The following ZNF804B variants were observed in gnomAD, a reference collection of about 807,000 sequenced individuals.
The protein encoded by ZNF804B is zinc finger 804B.
ZNF804B carries 80 observed loss-of-function variants against 101.4 expected under a neutral mutation model. That is an observed-to-expected ratio of 0.79 (90% CI 0.66 to 0.95). The LOEUF is 0.95. Among genes scored for constraint, ZNF804B ranks in the 40% least tolerant of loss-of-function variants. ZNF804B has a pLI of 0.00. For missense variants in ZNF804B, 1,673 were observed against 1,561.9 expected, an observed-to-expected ratio of 1.07 and a Z score of -1.20; for synonymous variants, 622 against 558.8, an observed-to-expected ratio of 1.11 and a Z score of -1.59.
intron 1 of ZNF804B, among the ~76,000 whole-genome samples, chr7:89,007,474 A>ATATG (rs1554354007): frequency 9.3e-6 from 1 of 108,068 alleles, no homozygotes; most frequent in South Asian, 2.9e-4. Flanking sequence ...ATATATATAT[A>ATATG]TATATATATA....
intron 1 of ZNF804B, among the ~76,000 whole-genome samples, chr7:89,097,215 A>G (rs1443606346): frequency 6.6e-6 from 1 of 152,180 alleles, no homozygotes; most frequent in Non-Finnish European, 1.5e-5. Context: ...TGTTGTGACT[A>G]CTTCAGAATG....
At chr7:89,060,136 G>T (rs1054290642) in intron 1 of ZNF804B, among the ~76,000 whole-genome samples, 1 of 152,062 alleles carries the variant, frequency 6.6e-6, no homozygotes, top group Non-Finnish European at 1.5e-5. Context: ...CGGCATCCCA[G>T]GGTCTCCAGC....
At chr7:89,152,068 AACT>A (rs1790885807) in intron 1 of ZNF804B, among the ~76,000 whole-genome samples, 1 of 152,096 alleles carries the variant, frequency 6.6e-6, no homozygotes, top group Non-Finnish European at 1.5e-5. Context: ...ATCAGTGTTA[AACT>A]ACCCTGGTGT....
intron 1 of ZNF804B, among the ~76,000 whole-genome samples, chr7:89,020,559 T>A (rs1788651010): frequency 6.6e-6 from 1 of 152,168 alleles, no homozygotes; most frequent in Admixed American, 6.5e-5. Context: ...TTGGCTTAAA[T>A]CTATTTTGTA....
intron 1 of ZNF804B, among the ~76,000 whole-genome samples, chr7:89,011,324 C>A (rs1420522105): frequency 6.6e-6 from 1 of 152,142 alleles, no homozygotes; most frequent in Non-Finnish European, 1.5e-5. Flanking sequence ...GGACACAGAG[C>A]CAAACCATAT....
chr7:88,845,757 C>T (rs1455041573), intron 1 of ZNF804B, among the ~76,000 whole-genome samples: 1 of 152,168 alleles, frequency 6.6e-6, no homozygotes, highest in African/African-American at 2.4e-5. Flanking sequence ...TGTCTTATCA[C>T]AAGAACTTTC....
intron 1 of ZNF804B, among the ~76,000 whole-genome samples, chr7:89,195,890 C>G (rs1420966967): frequency 1.6e-5 from 1 of 63,930 alleles, no homozygotes; most frequent in Non-Finnish European, 3.2e-5. Flanking sequence ...AACCACTGCT[C>G]AAAAAATCAG....
intron 1 of ZNF804B, among the ~76,000 whole-genome samples, chr7:88,949,091 A>G (rs1584033753): frequency 2.0e-5 from 3 of 151,292 alleles, no homozygotes; most frequent in African/African-American, 7.3e-5. Context: ...GGATTGTTCT[A>G]TTCTGTTCTG....
chr7:89,187,631 C>G (rs761119878), intron 1 of ZNF804B, among the ~76,000 whole-genome samples: 2 of 152,088 alleles, frequency 1.3e-5, no homozygotes, highest in Non-Finnish European at 2.9e-5. Context: ...TTTGGAGAAG[C>G]AAGTGAGTAT....
chr7:88,869,054 ATATT>A (rs1372674319), intron 1 of ZNF804B, among the ~76,000 whole-genome samples: 2 of 152,172 alleles, frequency 1.3e-5, no homozygotes, highest in African/African-American at 4.8e-5. Context: ...TTAAATTCAC[ATATT>A]TAGTCTGTTT....
At chr7:88,861,121 T>G (rs1368381277) in intron 1 of ZNF804B, among the ~76,000 whole-genome samples, 1 of 152,186 alleles carries the variant, frequency 6.6e-6, no homozygotes, top group Non-Finnish European at 1.5e-5. Flanking sequence ...TCCAGATATA[T>G]TTTTAAGTGC....
chr7:89,335,911 T>C lies in ZNF804B; in HGVS notation c.2929T>C (p.Leu977=), dbSNP rs368870491. ...ACCATCAGGCTGTAACAGACAAGCATTGCCTTTGTCTGAAAAAATACAGTA... is the reference window on the plus strand; with the variant it reads ...ACCATCAGGCTGTAACAGACAAGCACTGCCTTTGTCTGAAAAAATACAGTA... ...LAPSGCNRQA[L]PLSEKIQYAS... Residue 977 remains leucine, a synonymous_variant, in exon 4 of 4, where the codon TTG becomes CTG. Transcript: ENST00000333190. 2 of 1,613,972 alleles carry C rather than the reference T, an allele frequency of 1.2e-6. No individual in the cohort carries two copies. The highest frequency in any genetic ancestry group is 1.3e-5 in the African/African-American group (1 of 74,916).
intron 3 of ZNF804B, among the ~76,000 whole-genome samples, chr7:89,329,041 T>A (rs572201264): frequency 3.1e-4 from 47 of 151,748 alleles, no homozygotes; most frequent in Admixed American, 7.9e-4. Flanking sequence ...AGTTCCAAGT[T>A]TGCTAGAGCT....
intron 1 of ZNF804B, among the ~76,000 whole-genome samples, chr7:89,101,705 T>C (rs1475274385): frequency 6.6e-6 from 1 of 152,006 alleles, no homozygotes; most frequent in Non-Finnish European, 1.5e-5. Context: ...AATTTATTTA[T>C]GTATTCATTT....
At chr7:88,879,584 C>T (rs1467225973) in intron 1 of ZNF804B, among the ~76,000 whole-genome samples, 1 of 152,126 alleles carries the variant, frequency 6.6e-6, no homozygotes, top group African/African-American at 2.4e-5. Context: ...AGTGTACACA[C>T]AGGAATTGAA....
At chr7:89,188,122 G>A (rs1220942531) in intron 1 of ZNF804B, among the ~76,000 whole-genome samples, 1 of 151,898 alleles carries the variant, frequency 6.6e-6, no homozygotes, top group Admixed American at 6.6e-5. Context: ...CATCAAACAA[G>A]TCTACATGTG....
intron 2 of ZNF804B, among the ~76,000 whole-genome samples, chr7:89,289,929 G>C (rs1455662893): frequency 2.0e-5 from 3 of 152,198 alleles, no homozygotes; most frequent in African/African-American, 7.2e-5. Context: ...AGGCAGCACA[G>C]CTTGTGGATC....
At chr7:89,302,484 G>T (rs1167264043) in intron 2 of ZNF804B, among the ~76,000 whole-genome samples, 2 of 151,816 alleles carry the variant, frequency 1.3e-5, no homozygotes, top group African/African-American at 4.8e-5. Context: ...CAGATCTAAT[G>T]CATTATAAAA....
At chr7:89,189,208 A>T (rs1475204202) in intron 1 of ZNF804B, among the ~76,000 whole-genome samples, 1 of 152,092 alleles carries the variant, frequency 6.6e-6, no homozygotes. Flanking sequence ...ACAACACAAC[A>T]TTTTACATCA....
Sources: allele counts gnomAD v4.1 joint callset (sites outside exome capture counted in the v4.1 genomes callset), GRCh38; gene constraint gnomAD v4.1.1; transcripts MANE v1.5; gene names NCBI Gene and HGNC (gene_info 2026-07-23, HGNC 2026-07-21).